Variants in POMT2 observed in about 807,000 individuals in gnomAD.
POMT2 encodes protein O-mannosyltransferase 2, also known as protein O-mannosyl-transferase 2.
In POMT2, 75 loss-of-function variants were observed where a neutral mutation model predicts 100.0. The observed-to-expected ratio is 0.75, with a 90% CI of 0.62 to 0.91. The LOEUF (loss-of-function observed/expected upper bound fraction) is 0.91, where lower values mean the gene tolerates loss of function less well. Among genes scored for constraint, POMT2 ranks in the 40% least tolerant of loss-of-function variants. The pLI, the probability that POMT2 is intolerant of heterozygous loss-of-function variation, is 0.00. For synonymous variants in POMT2, 378 were observed against 374.1 expected (o/e 1.01, Z -0.12); for missense variants, 940 against 955.1 (o/e 0.98, Z 0.21).
intron 14 of POMT2, chr14:77,284,166 T>C (rs1367229377): frequency 2.4e-6 from 1 of 424,986 alleles, no homozygotes; most frequent in Non-Finnish European, 4.4e-6. Context: ...CAAATGCTGC[T>C]CTCCTATTAG....
rs1181953365 is a variant in POMT2, at chr14:77,311,992, A to C, written c.290T>G (p.Ile97Ser). The change falls in exon 2 of 21, where the codon ATC becomes AGC. Residue 97 changes from isoleucine (I) to serine (S), a missense_variant. Physicochemically the swap from Ile to Ser is moderately radical, Grantham distance 142. Transcript: ENST00000261534. ...THFGKMGSYYINRTFFFDVHP... is the reference protein window; with the variant it reads ...THFGKMGSYYSNRTFFFDVHP... The stretch of plus-strand genomic sequence containing the variant: ...CACATCAAAGAAAAATGTACGGTTG[A>C]TATAGTAACTTCCCATTTTTCCAAA... 1 of 1,614,156 alleles carries C rather than the reference A, an allele frequency of 6.2e-7. No individual in the cohort carries two copies. Among genetic ancestry groups the C allele is most frequent in the Non-Finnish European group, 8.5e-7 (1 of 1,180,006 alleles).
chr14:77,297,553 ACTT>A (rs1384349207), intron 8 of POMT2, among the ~76,000 whole-genome samples: 1 of 151,848 alleles, frequency 6.6e-6, no homozygotes, highest in Non-Finnish European at 1.5e-5. Context: ...TTCCAACCCA[ACTT>A]CTTCTCCTGC....
At chr14:77,316,566 TAAAAAAAAAAAAA>T (rs60771363) in intron 1 of POMT2, among the ~76,000 whole-genome samples, 8 of 77,568 alleles carry the variant, frequency 1.0e-4, no homozygotes, top group African/African-American at 3.2e-4. Context: ...ATCTCATCTC[TAAAAAAAAAAAAA>T]AAAAAAAAAA....
At chr14:77,281,081 C>G (rs1179082039) in intron 15 of POMT2, among the ~76,000 whole-genome samples, 1 of 149,840 alleles carries the variant, frequency 6.7e-6, no homozygotes, top group East Asian at 2.0e-4. Flanking sequence ...GCAAAAAGAC[C>G]AAGACTCAGT....
intron 14 of POMT2, 55 bp from the exon 15 acceptor site, chr14:77,283,928 T>A (rs1890323898): frequency 7.2e-7 from 1 of 1,396,966 alleles, no homozygotes; most frequent in African/African-American, 1.4e-5. Flanking sequence ...TTCCTCAGTC[T>A]GTCCATGGTG....
intron 8 of POMT2, among the ~76,000 whole-genome samples, chr14:77,297,134 G>T (rs192032388): frequency 2.2e-4 from 34 of 152,346 alleles, no homozygotes; most frequent in African/African-American, 7.7e-4. Flanking sequence ...AGCTGAACTA[G>T]GCCTTTAAAT....
At position 77,279,846 on chromosome 14, in the gene POMT2, G is replaced by A. The variant is rs1476426767; in HGVS notation, c.1868C>T (p.Ala623Val). ...SIIAVAMQRG[A>V]RLPAEVAGLS... ...ACCTGCAACCTCCGCTGGCAGCCGT[G>A]CCCCTCTCTGCATGGCTACAGCAAT... is the stretch of plus-strand genomic sequence containing the variant. Residue 623 changes from alanine (A) to valine (V), a missense_variant, in exon 18 of 21, where the codon GCA becomes GTA. Transcript: ENST00000261534. 4 of 1,613,824 alleles carry A rather than the reference G, an allele frequency of 2.5e-6. No homozygotes were observed. The highest frequency in any genetic ancestry group is 2.2e-5 in the East Asian group (1 of 44,852).
intron 9 of POMT2, among the ~76,000 whole-genome samples, chr14:77,295,004 T>C (rs1179199896): frequency 6.6e-6 from 1 of 152,218 alleles, no homozygotes; most frequent in Non-Finnish European, 1.5e-5. Flanking sequence ...GCTATCACAT[T>C]TCCACTAAAG....
intron 16 of POMT2, 25 bp downstream of exon 16, chr14:77,280,367 G>C: frequency 6.2e-7 from 1 of 1,614,070 alleles, no homozygotes; most frequent in Non-Finnish European, 8.5e-7. Context: ...CATTTCCTGG[G>C]AGGAGCCCCA....
intron 7 of POMT2, 81 bp from the exon 8 acceptor site, chr14:77,298,852 G>T: frequency 2.3e-6 from 3 of 1,289,088 alleles, no homozygotes; most frequent in Non-Finnish European, 3.3e-6. Flanking sequence ...GAAGAGCTCT[G>T]CTCAGATAGT....
intron 1 of POMT2, chr14:77,312,459 G>A: frequency 5.5e-6 from 1 of 181,836 alleles, no homozygotes; most frequent in Non-Finnish European, 1.1e-5. Flanking sequence ...GTCAGGAGAT[G>A]GAGACCATCC....
chr14:77,320,818 C>A lies in POMT2; in HGVS notation c.-137G>T. On this transcript the variant is annotated 5_prime_UTR_variant, in exon 1 of 21. Transcript: ENST00000261534. ...CCTTCACTGCAGCGGAGCGCGGGGC[C>A]CCGGGCTCGGGGCGGGGCGGGCAGC... 1 of 1,380,420 alleles carries A rather than the reference C, an allele frequency of 7.2e-7. No homozygotes were observed. Among genetic ancestry groups the A allele is most frequent in the Non-Finnish European group, 9.3e-7 (1 of 1,074,400 alleles). The allele number at this position is 1,380,420 out of a possible 1,614,324, so 85.5% of individuals were successfully genotyped here.
At chr14:77,290,990 G>C (rs1890618369) in intron 10 of POMT2, among the ~76,000 whole-genome samples, 2 of 152,072 alleles carry the variant, frequency 1.3e-5, no homozygotes. Flanking sequence ...CCTCAGCTGG[G>C]GCCACTCACC....
At chr14:77,303,920 G>C (rs1010391075) in intron 4 of POMT2, among the ~76,000 whole-genome samples, 7 of 152,182 alleles carry the variant, frequency 4.6e-5, no homozygotes, top group Non-Finnish European at 1.0e-4. Context: ...AAGTGGCCGG[G>C]AGCTGGGTAG....
intron 9 of POMT2, among the ~76,000 whole-genome samples, chr14:77,292,974 G>A (rs1055560595): frequency 1.3e-5 from 2 of 152,082 alleles, no homozygotes; most frequent in Admixed American, 1.3e-4. Context: ...GTATCCCCCC[G>A]ATGCATGACT....
intron 11 of POMT2, among the ~76,000 whole-genome samples, chr14:77,288,517 C>A (rs1890521831): frequency 6.6e-6 from 1 of 152,110 alleles, no homozygotes; most frequent in Admixed American, 6.5e-5. Flanking sequence ...AAAAAAACAG[C>A]AGCAGCAGCT....
In POMT2 at chr14:77,313,667, C is replaced by G. The variant is rs1294061000; in HGVS notation, c.249-1634G>C. Reference sequence around the variant, plus strand: ...TTAAATCTGTTTGGGAACATACTAACAAAAGGATTCCAGTTTTTTTGTTTT... The same window carrying G: ...TTAAATCTGTTTGGGAACATACTAAGAAAAGGATTCCAGTTTTTTTGTTTT... On this transcript the variant is annotated intron_variant, in intron 1 of 20. Coordinates refer to ENST00000261534, the MANE Select transcript of POMT2 (RefSeq NM_013382.7). Among the ~76,000 whole-genome samples, 17 of 152,176 alleles carry G rather than the reference C, an allele frequency of 1.1e-4. 1 individual carries two copies. Among genetic ancestry groups the G allele is most frequent in the Admixed American group, 1.1e-3 (17 of 15,288 alleles).
intron 2 of POMT2, among the ~76,000 whole-genome samples, chr14:77,309,075 C>T (rs1891344806): frequency 6.6e-6 from 1 of 152,178 alleles, no homozygotes; most frequent in Admixed American, 6.5e-5. Context: ...AGCTGCTGAA[C>T]AACTGTAGAC....
Position 77,275,669 on chromosome 14 carries a change from CCCT to C in POMT2, c.*1704_*1706del, listed in dbSNP as rs1283108694. 1.3e-5 allele frequency: 2 copies of C among 152,252 alleles called. No homozygotes were observed. The highest frequency in any genetic ancestry group is 1.9e-4 in the East Asian group (1 of 5,194). 9.4% of individuals were successfully genotyped at this position (152,252 alleles called of 1,614,324 possible). A position where few individuals can be genotyped will look rare whatever the true frequency, so the allele number is the denominator to read the frequency against. The stretch of plus-strand genomic sequence containing the variant: ...GAAGCAGCGAGCAGAGCTTCTCCAT[CCCT>C]CCTCTCCTTCCCTGCCAGAAATGCA... On this transcript the variant is annotated 3_prime_UTR_variant, in exon 21 of 21. Coordinates refer to ENST00000261534, the MANE Select transcript of POMT2 (RefSeq NM_013382.7).
Sources: allele counts gnomAD v4.1 joint callset (sites outside exome capture counted in the v4.1 genomes callset), GRCh38; gene constraint gnomAD v4.1.1; transcripts MANE v1.5; gene names NCBI Gene and HGNC (gene_info 2026-07-23, HGNC 2026-07-21).